Variants in SYT5 observed in about 807,000 individuals in gnomAD.
SYT5 encodes synaptotagmin-5.
In SYT5, 29 loss-of-function variants were observed where a neutral mutation model predicts 36.0. The ratio of observed to expected loss-of-function variants is 0.81; its 90% CI spans 0.60 to 1.10. SYT5 has a LOEUF of 1.10. SYT5 is among the 50% of genes least tolerant of loss of function. SYT5 has a pLI of 0.00. For missense variants in SYT5, 512 were observed against 516.0 expected (o/e 0.99, Z 0.08); for synonymous variants, 231 against 227.6 (o/e 1.02, Z -0.14).
chr19:55,178,069 CAGGG>C, intron 3 of SYT5, 123 bp downstream of exon 3: 4 of 1,094,742 alleles, frequency 3.7e-6, no homozygotes, highest in Non-Finnish European at 5.1e-6. Flanking sequence ...GCTAGACACA[CAGGG>C]AGGATGAGCC....
At chr19:55,177,655 C>A (rs575436434) in intron 3 of SYT5, 1 of 152,606 alleles carries the variant, frequency 6.6e-6, no homozygotes, top group Non-Finnish European at 1.5e-5. Flanking sequence ...TCACTGCAGC[C>A]TCCACCTCCC....
At chr19:55,174,258 A>AG (rs1410480580) in intron 8 of SYT5, among the ~76,000 whole-genome samples, 2 of 77,380 alleles carry the variant, frequency 2.6e-5, no homozygotes, top group Non-Finnish European at 4.5e-5. Context: ...GATCCTGCTT[A>AG]GGGTGGAGCA....
intron 3 of SYT5, 28 bp downstream of exon 3, chr19:55,178,168 C>T: frequency 1.2e-6 from 2 of 1,600,968 alleles, no homozygotes; most frequent in South Asian, 2.2e-5. Flanking sequence ...GGGAAGGGGC[C>T]AGGTGGAGGG....
chr19:55,176,441 A>G (rs1308345515), intron 3 of SYT5, among the ~76,000 whole-genome samples: 1 of 152,256 alleles, frequency 6.6e-6, no homozygotes, highest in Non-Finnish European at 1.5e-5. Flanking sequence ...TTTATTTCAC[A>G]TGCTAATGGA....
In SYT5 at chr19:55,176,016, G is replaced by A. The variant is rs764868578; in HGVS notation, c.361C>T (p.Gln121Ter). Residue 121 changes from glutamine (Q) to a stop codon, truncating the protein, a stop_gained, in exon 4 of 9, where the codon CAG (glutamine) becomes TAG (stop). Coordinates refer to ENST00000354308, the MANE Select transcript of SYT5 (RefSeq NM_003180.3). LOFTEE classifies it high-confidence loss of function. ...RLQYSLDYDF[Q>*]SGQLLVGILQ... ...TCCTCCACACCCACCTGGCCACTCT[G>A]GAAGTCATAATCCAGGGAGTACTGC... 5 of 1,614,078 alleles carry A rather than the reference G, an allele frequency of 3.1e-6. No homozygotes were observed. The highest frequency in any genetic ancestry group is 8.5e-7 in the Non-Finnish European group (1 of 1,180,020).
chr19:55,175,350 C>T lies in SYT5; in HGVS notation c.541-11G>A. The stretch of plus-strand genomic sequence containing the variant: ...CTCCACGTAGGGGACCTGGAGTGCA[C>T]AGAGAATCCGCAGTAGAGAGCAGGA... On this transcript the variant is annotated splice_polypyrimidine_tract_variant and intron_variant, in intron 5 of 8. Transcript: ENST00000354308. This position sits in a 1 kb window ranked among gnomAD's most constrained non-coding sequence, Gnocchi z 4.5. 6.6e-7 allele frequency: 1 copy of T among 1,521,456 alleles called. No homozygotes were observed. The highest frequency in any genetic ancestry group is 8.8e-7 in the Non-Finnish European group (1 of 1,138,722). 94.2% of individuals were successfully genotyped at this position (1,521,456 alleles called of 1,614,324 possible).
In SYT5 at chr19:55,175,159, C is replaced by G. The variant is rs749686216; in HGVS notation, c.708+13G>C. The G allele has an allele frequency of 1.3e-5, 20 of 1,586,572 alleles. No homozygotes were observed. Among genetic ancestry groups the G allele is most frequent in the Non-Finnish European group, 1.7e-5 (20 of 1,170,152 alleles). On this transcript the variant is annotated intron_variant, in intron 6 of 8. Transcript: ENST00000354308. This position sits in a 1 kb window ranked among gnomAD's most constrained non-coding sequence, Gnocchi z 4.5. ...CTGGGGGCGTGGCTCGGGGCGCGAC[C>G]GCGCATGCTCACCTCCTCCCGCGGA...
In SYT5 at chr19:55,173,132, C is replaced by T; in HGVS notation, c.*352G>A. Reference sequence around the variant, plus strand: ...CTGAATATTTATTTGGCCCCAGGAGCAGTGCAGGGATGGGCTGTGTTGGAA... The same window carrying T: ...CTGAATATTTATTTGGCCCCAGGAGTAGTGCAGGGATGGGCTGTGTTGGAA... On this transcript the variant is annotated 3_prime_UTR_variant, in exon 9 of 9. Coordinates refer to ENST00000354308, the MANE Select transcript of SYT5 (RefSeq NM_003180.3). This position sits in a 1 kb window ranked among gnomAD's most constrained non-coding sequence, Gnocchi z 5.4. 1 of 240,028 alleles carries T rather than the reference C, an allele frequency of 4.2e-6. No individual in the cohort carries two copies. Among genetic ancestry groups the T allele is most frequent in the East Asian group, 7.7e-5 (1 of 12,938 alleles). 14.9% of individuals were successfully genotyped at this position (240,028 alleles called of 1,614,324 possible).
Position 55,178,221 on chromosome 19 carries a change from C to G in SYT5, c.227G>C (p.Gly76Ala). 1 of 1,608,404 alleles carries G rather than the reference C, an allele frequency of 6.2e-7. No homozygotes were observed. The highest frequency in any genetic ancestry group is 8.5e-7 in the Non-Finnish European group (1 of 1,177,694). Residue 76 changes from glycine to alanine, a missense_variant, in exon 3 of 9, where the codon GGG becomes GCG. Transcript: ENST00000354308. ...CTTGTCTATGTAACTCTGGCCCAGCCCCTTCACTTCCTGAAGGTGGACCTG... is the reference window on the plus strand; with the variant it reads ...CTTGTCTATGTAACTCTGGCCCAGCGCCTTCACTTCCTGAAGGTGGACCTG... ...QAQVHLQEVKGLGQSYIDKVQ... is the reference protein window; with the variant it reads ...QAQVHLQEVKALGQSYIDKVQ...
chr19:55,178,486 G>T, intron 2 of SYT5, 118 bp from the exon 3 acceptor site: 2 of 1,217,952 alleles, frequency 1.6e-6, no homozygotes, highest in Non-Finnish European at 1.1e-6. Flanking sequence ...CATTTTCATT[G>T]CATTTCTTCC....
In SYT5 at chr19:55,173,637, CT is replaced by C; in HGVS notation, c.1007del (p.Lys336ArgfsTer45). 6.7e-7 allele frequency: 1 copy of C among 1,488,708 alleles called. No homozygotes were observed. The highest frequency in any genetic ancestry group is 8.9e-7 in the Non-Finnish European group (1 of 1,120,616). 92.2% of individuals were successfully genotyped at this position (1,488,708 alleles called of 1,614,324 possible). On this transcript the variant is annotated frameshift_variant, in exon 9 of 9. Transcript: ENST00000354308. LOFTEE classifies it low-confidence loss of function (END_TRUNC). The surrounding 1 kb of genome is among the most constrained non-coding windows in gnomAD (Gnocchi z 5.4). ...LTVLDYDKLG[K>X]NEAIGRVAVG... ...CGGCCACCCTCCCGATGGCCTCGTT[CT>C]TGCCCAGCTTGTCGTAGTCCAGCAC...
At position 55,176,447 on chromosome 19, in the gene SYT5, A is replaced by C. The variant is rs142771458; in HGVS notation, c.253-323T>G. On this transcript the variant is annotated intron_variant, in intron 3 of 8. Coordinates refer to ENST00000354308, the MANE Select transcript of SYT5 (RefSeq NM_003180.3). ...AATGCAGGTTTTATTTCACATGCTA[A>C]TGGATGTACTGGGGTGCTAGTCCAA... 3.4e-3 allele frequency among the ~76,000 whole-genome samples: 516 copies of C among 152,336 alleles called. 5 individuals are homozygous for C. The highest frequency in any genetic ancestry group is 0.012 in the African/African-American group (490 of 41,562).
At chr19:55,178,022 T>A (rs1034266713) in intron 3 of SYT5, among the ~76,000 whole-genome samples, 174 bp downstream of exon 3, 1 of 152,166 alleles carries the variant, frequency 6.6e-6, no homozygotes, top group African/African-American at 2.4e-5. Flanking sequence ...AGCAACTAGT[T>A]CTGTTCCATC....
At position 55,179,030 on chromosome 19, in the gene SYT5, C is replaced by G. The variant is rs2301279; in HGVS notation, c.12G>C (p.Glu4Asp). MFP[E>D]PPTPGPPSPD... ...GCGATGGAGGCCCCGGGGTTGGGGG[C>G]TCCGGGAACATGGTGGCGGGGTCCT... is the stretch of plus-strand genomic sequence containing the variant. Residue 4 changes from glutamate to aspartate, a missense_variant, in exon 2 of 9, where the codon GAG becomes GAC. Physicochemically the swap from Glu to Asp is conservative, Grantham distance 45. Coordinates refer to ENST00000354308, the MANE Select transcript of SYT5 (RefSeq NM_003180.3). This position sits in a 1 kb window ranked among gnomAD's most constrained non-coding sequence, Gnocchi z 4.5. The G allele has an allele frequency of 6.2e-7, 1 of 1,605,718 alleles. No homozygotes were observed.
intron 2 of SYT5, 130 bp from the exon 3 acceptor site, chr19:55,178,498 G>T (rs1019059534): frequency 8.7e-7 from 1 of 1,144,422 alleles, no homozygotes; most frequent in South Asian, 1.6e-5. Flanking sequence ...ATTTCTTCCT[G>T]TGTTTTTCTT....
At position 55,173,998 on chromosome 19, in the gene SYT5, A is replaced by C. The variant is rs1040595164; in HGVS notation, c.961-314T>G. The C allele has an allele frequency of 4.5e-4, 150 of 331,064 alleles. No homozygotes were observed. Among genetic ancestry groups the C allele is most frequent in the African/African-American group, 3.1e-3 (145 of 46,876 alleles). The allele number at this position is 331,064 out of a possible 1,614,324, so 20.5% of individuals were successfully genotyped here. A position where few individuals can be genotyped will look rare whatever the true frequency, so the allele number is the denominator to read the frequency against. On this transcript the variant is annotated intron_variant, in intron 8 of 8. Coordinates refer to ENST00000354308, the MANE Select transcript of SYT5 (RefSeq NM_003180.3). The surrounding 1 kb of genome is among the most constrained non-coding windows in gnomAD (Gnocchi z 5.4). ...AGAGCCGCAAAGCTGCAGAACTTTAACAGGGGCCGGGCTAGGGTAGGCGCC... is the reference window on the plus strand; with the variant it reads ...AGAGCCGCAAAGCTGCAGAACTTTACCAGGGGCCGGGCTAGGGTAGGCGCC...
rs2086008941 is a variant in SYT5, at chr19:55,171,951, C to A, written c.*1533G>T. 6.6e-6 allele frequency: 1 copy of A among 151,742 alleles called. No homozygotes were observed. The highest frequency in any genetic ancestry group is 6.6e-5 in the Admixed American group (1 of 15,182). The allele number at this position is 151,742 out of a possible 1,614,324, so 9.4% of individuals were successfully genotyped here. A position where few individuals can be genotyped will look rare whatever the true frequency, so the allele number is the denominator to read the frequency against. ...ACTCCAGCCAGGGTACACAGAGAAA[C>A]CCTGTCAAAAAAAGAAGAAAGAAGA... On this transcript the variant is annotated 3_prime_UTR_variant, in exon 9 of 9. Coordinates refer to ENST00000354308, the MANE Select transcript of SYT5 (RefSeq NM_003180.3).
chr19:55,174,356 G>A (rs145102201), intron 8 of SYT5, among the ~76,000 whole-genome samples, 161 bp downstream of exon 8: 1 of 149,796 alleles, frequency 6.7e-6, no homozygotes, highest in African/African-American at 2.5e-5. Context: ...TCTTCCTGGA[G>A]TGGAAGAGGC....
intron 3 of SYT5, chr19:55,176,404 C>A (rs557658313): frequency 4.2e-6 from 2 of 475,360 alleles, no homozygotes; most frequent in East Asian, 7.5e-5. Flanking sequence ...CTGATAGTGT[C>A]CCATTGCCCA....
Sources: allele counts gnomAD v4.1 joint callset (sites outside exome capture counted in the v4.1 genomes callset), GRCh38; gene constraint gnomAD v4.1.1; non-coding constraint Gnocchi (gnomAD v3.1); transcripts MANE v1.5; gene names NCBI Gene and HGNC (gene_info 2026-07-23, HGNC 2026-07-21).